Variants in ATOSB observed in about 807,000 individuals in gnomAD.
The protein encoded by ATOSB is atos homolog protein B.
chr9:35,113,040 G>A, the ATOSB span, among the ~76,000 whole-genome samples: 48 of 152,084 alleles, frequency 3.2e-4, no homozygotes, highest in Non-Finnish European at 4.1e-4. Context: ...CTTCCTTGCC[G>A]GTTCCCTAGT....
the ATOSB span, chr9:35,108,045 C>T: frequency 8.5e-6 from 13 of 1,536,766 alleles, no homozygotes; most frequent in East Asian, 2.3e-5. Flanking sequence ...CTTCAGCTCC[C>T]GGGGACCCTC....
the ATOSB span, chr9:35,104,583 G>GCA: frequency 7.7e-6 from 3 of 387,286 alleles, no homozygotes; most frequent in Admixed American, 3.1e-5. Flanking sequence ...ACAAGCTTGT[G>GCA]CACACACACA....
chr9:35,113,101 GTA>G, the ATOSB span, among the ~76,000 whole-genome samples: 3 of 152,182 alleles, frequency 2.0e-5, no homozygotes, highest in East Asian at 5.8e-4. Flanking sequence ...AAATTACAGT[GTA>G]TCAATGTAAG....
At chr9:35,107,803 T>C in the ATOSB span, 1 of 1,579,360 alleles carries the variant, frequency 6.3e-7, no homozygotes, top group Non-Finnish European at 8.6e-7. Flanking sequence ...GCCCAGTCTC[T>C]GGTGTGCAAA....
At chr9:35,109,701 C>T in the ATOSB span, 3 of 152,216 alleles carry the variant, frequency 2.0e-5, no homozygotes, top group Admixed American at 6.5e-5. Flanking sequence ...GCCATCTCCT[C>T]CAGAAAGTCT....
chr9:35,115,102 G>C, the ATOSB span, among the ~76,000 whole-genome samples: 1 of 152,008 alleles, frequency 6.6e-6, no homozygotes, highest in Non-Finnish European at 1.5e-5. Flanking sequence ...GAACTAGGAT[G>C]GGGGGTTGAC....
At chr9:35,105,503 G>C in the ATOSB span, 1 of 1,196,444 alleles carries the variant, frequency 8.4e-7, no homozygotes, top group Non-Finnish European at 1.2e-6. The surrounding 1 kb of genome is among the most constrained non-coding windows in gnomAD (Gnocchi z 5.5). Flanking sequence ...ACCAGCCTAA[G>C]CAACATAGCG....
the ATOSB span, among the ~76,000 whole-genome samples, chr9:35,113,641 T>C: frequency 2.1e-5 from 3 of 142,298 alleles, no homozygotes; most frequent in Non-Finnish European, 4.5e-5. Flanking sequence ...AATAAATAAA[T>C]AAATAAATAA....
the ATOSB span, chr9:35,106,672 T>C: frequency 6.7e-7 from 1 of 1,501,522 alleles, no homozygotes; most frequent in Non-Finnish European, 9.1e-7. The surrounding 1 kb of genome is among the most constrained non-coding windows in gnomAD (Gnocchi z 4.6). Flanking sequence ...CACAGGGGGT[T>C]GGCTTGAGGT....
the ATOSB span, chr9:35,105,296 C>T: frequency 6.2e-7 from 1 of 1,614,134 alleles, no homozygotes; most frequent in Non-Finnish European, 8.5e-7. The surrounding 1 kb of genome is among the most constrained non-coding windows in gnomAD (Gnocchi z 5.5). Context: ...GCCCTGTGTC[C>T]AGCTCCAGGC....
the ATOSB span, chr9:35,106,268 G>C: frequency 6.2e-7 from 1 of 1,613,914 alleles, no homozygotes; most frequent in Admixed American, 1.7e-5. The surrounding 1 kb of genome is among the most constrained non-coding windows in gnomAD (Gnocchi z 4.6). Flanking sequence ...GGGAGCCGGG[G>C]CATTTTGCTC....
At chr9:35,108,055 C>G in the ATOSB span, 2 of 1,534,474 alleles carry the variant, frequency 1.3e-6, no homozygotes, top group South Asian at 2.6e-5. Flanking sequence ...CGGGGACCCT[C>G]AGTGGATGGG....
At chr9:35,107,824 A>G in the ATOSB span, 1 of 1,593,240 alleles carries the variant, frequency 6.3e-7, no homozygotes, top group Non-Finnish European at 8.5e-7. Context: ...GTATTGCAGG[A>G]AGCATTTGAT....
chr9:35,108,556 T>C, the ATOSB span: 1 of 1,217,770 alleles, frequency 8.2e-7, no homozygotes, highest in Non-Finnish European at 1.0e-6. Flanking sequence ...TCAGGCTTCT[T>C]ACTGGACACA....
At chr9:35,112,675 G>C in the ATOSB span, among the ~76,000 whole-genome samples, 1 of 152,188 alleles carries the variant, frequency 6.6e-6, no homozygotes, top group Non-Finnish European at 1.5e-5. Context: ...CTCTGCACTT[G>C]TCAGCAAGTC....
chr9:35,108,593 C>T, the ATOSB span: 6 of 1,126,064 alleles, frequency 5.3e-6, no homozygotes, highest in East Asian at 5.5e-5. Flanking sequence ...CTGGTACTTA[C>T]CCCGATGAAG....
chr9:35,105,792 C>A, the ATOSB span: 6 of 1,614,130 alleles, frequency 3.7e-6, no homozygotes, highest in South Asian at 4.4e-5. This position sits in a 1 kb window ranked among gnomAD's most constrained non-coding sequence, Gnocchi z 5.5. Flanking sequence ...GGGCAGCAGG[C>A]ATGTCCGAGA....
At chr9:35,106,788 C>T in the ATOSB span, 3 of 1,545,246 alleles carry the variant, frequency 1.9e-6, no homozygotes, top group Non-Finnish European at 1.8e-6. This position sits in a 1 kb window ranked among gnomAD's most constrained non-coding sequence, Gnocchi z 4.6. Context: ...CAGACTTCTG[C>T]CCCCATTCTC....
chr9:35,113,296 C>T, the ATOSB span, among the ~76,000 whole-genome samples: 1 of 152,140 alleles, frequency 6.6e-6, no homozygotes, highest in Non-Finnish European at 1.5e-5. Flanking sequence ...ATGTTCCAGG[C>T]CTCAGTGTAC....
Sources: gnomAD v4.1 joint callset for allele counts (sites outside exome capture counted in the v4.1 genomes callset) on GRCh38, gnomAD v4.1.1 for gene constraint, Gnocchi (gnomAD v3.1) non-coding constraint, MANE v1.5 for transcripts, NCBI Gene and HGNC (gene_info 2026-07-23, HGNC 2026-07-21) for gene names.